The following CYRIA variants were observed in gnomAD, a reference collection of about 807,000 sequenced individuals.
The protein encoded by CYRIA is CYFIP related Rac1 interactor A.
CYRIA carries 15 observed loss-of-function variants against 43.9 expected under a neutral mutation model. The observed-to-expected ratio is 0.34, with a 90% CI of 0.23 to 0.53. The LOEUF is 0.53. CYRIA is among the 20% of genes least tolerant of loss of function. The pLI, the probability that CYRIA is intolerant of heterozygous loss-of-function variation, is 0.94. For synonymous variants in CYRIA, 117 were observed against 136.0 expected, an observed-to-expected ratio of 0.86 and a Z score of 0.97; for missense variants, 236 against 394.2, an observed-to-expected ratio of 0.60 and a Z score of 3.40.
chr2:16,561,416 T>G, intron 7 of CYRIA, 40 bp downstream of exon 7: 2 of 1,579,500 alleles, frequency 1.3e-6, no homozygotes, highest in Admixed American at 1.7e-5. Context: ...AAAAGAGTCA[T>G]GGAGAAGGGT....
chr2:16,573,212 T>G (rs1385068117), intron 3 of CYRIA, among the ~76,000 whole-genome samples: 1 of 152,214 alleles, frequency 6.6e-6, no homozygotes, highest in East Asian at 1.9e-4. Context: ...CAGAATAATA[T>G]AAGCATAAGA....
At chr2:16,641,430 T>C (rs573317664) in intron 1 of CYRIA, among the ~76,000 whole-genome samples, 1 of 152,286 alleles carries the variant, frequency 6.6e-6, no homozygotes, top group East Asian at 1.9e-4. Context: ...TTTGTTTAAT[T>C]CTAAATCCTA....
chr2:16,662,612 G>A (rs2103561369), intron 1 of CYRIA, among the ~76,000 whole-genome samples: 1 of 152,288 alleles, frequency 6.6e-6, no homozygotes, highest in African/African-American at 2.4e-5. Flanking sequence ...AGACTTCTAC[G>A]AGAGGATGAG....
chr2:16,606,255 C>T (rs919995076), intron 2 of CYRIA, among the ~76,000 whole-genome samples: 1 of 152,126 alleles, frequency 6.6e-6, no homozygotes, highest in African/African-American at 2.4e-5. Flanking sequence ...ATAACCAGAG[C>T]CCTGGGCACC....
At chr2:16,563,614 T>G (rs777120842) in intron 5 of CYRIA, among the ~76,000 whole-genome samples, 1 of 152,212 alleles carries the variant, frequency 6.6e-6, no homozygotes, top group Non-Finnish European at 1.5e-5. Flanking sequence ...TCTATTAAAT[T>G]TATCATATGA....
intron 2 of CYRIA, among the ~76,000 whole-genome samples, chr2:16,607,959 G>A (rs1447574740): frequency 6.6e-6 from 1 of 152,120 alleles, no homozygotes; most frequent in Non-Finnish European, 1.5e-5. Context: ...ACGGCCTATC[G>A]TTTCTCCCAG....
chr2:16,644,997 T>C (rs1669780886), intron 1 of CYRIA, among the ~76,000 whole-genome samples: 1 of 152,168 alleles, frequency 6.6e-6, no homozygotes, highest in South Asian at 2.1e-4. Context: ...TACTTTGATG[T>C]TGGTACAAAT....
chr2:16,615,281 AG>A (rs1171806584), intron 2 of CYRIA, among the ~76,000 whole-genome samples: 2 of 152,198 alleles, frequency 1.3e-5, no homozygotes, highest in Non-Finnish European at 2.9e-5. Flanking sequence ...CTGAAGTCCC[AG>A]TGTCATATCC....
intron 10 of CYRIA, among the ~76,000 whole-genome samples, chr2:16,557,955 C>T (rs62122697): frequency 2.4e-4 from 36 of 152,188 alleles, no homozygotes; most frequent in Non-Finnish European, 4.1e-4. Context: ...TAAAGCCTCA[C>T]AAAGGATACA....
intron 1 of CYRIA, among the ~76,000 whole-genome samples, chr2:16,629,948 C>T (rs950276846): frequency 2.6e-5 from 4 of 152,062 alleles, no homozygotes; most frequent in Non-Finnish European, 4.4e-5. Context: ...GGTGGGAAGC[C>T]GAGCATGGAA....
intron 2 of CYRIA, among the ~76,000 whole-genome samples, chr2:16,592,173 A>C (rs2103465685): frequency 6.6e-6 from 1 of 152,258 alleles, no homozygotes; most frequent in Non-Finnish European, 1.5e-5. Flanking sequence ...TGGACTCCAG[A>C]TTTTTGTATC....
intron 1 of CYRIA, among the ~76,000 whole-genome samples, chr2:16,641,807 T>C (rs958418553): frequency 2.0e-5 from 3 of 152,188 alleles, no homozygotes; most frequent in African/African-American, 7.2e-5. Flanking sequence ...CTGGGTGGGC[T>C]GGGGGTGAGA....
Position 16,582,670 on chromosome 2 carries a change from C to T in CYRIA, c.70+5380G>A, listed in dbSNP as rs11885336. Among the ~76,000 whole-genome samples, 1,202 of 152,254 alleles carry T rather than the reference C, an allele frequency of 7.9e-3. 19 individuals are homozygous for T. The highest frequency in any genetic ancestry group is 0.027 in the African/African-American group (1,122 of 41,574). On this transcript the variant is annotated intron_variant, in intron 3 of 11. Coordinates refer to ENST00000381323, the MANE Select transcript of CYRIA (RefSeq NM_030797.4). ...TAGCACAATGATTTCAAGGTTCATC[C>T]ATGTCATATCACCTATCAGTACTTC... is the stretch of plus-strand genomic sequence containing the variant.
intron 1 of CYRIA, among the ~76,000 whole-genome samples, chr2:16,629,315 G>T (rs977705798): frequency 6.6e-6 from 1 of 152,090 alleles, no homozygotes; most frequent in African/African-American, 2.4e-5. Context: ...TGGGCCTAGT[G>T]GGGAAGGAGG....
chr2:16,555,064 C>T lies in CYRIA; in HGVS notation c.908+5G>A, dbSNP rs1458965257. On this transcript the variant is annotated splice_donor_5th_base_variant and intron_variant, in intron 11 of 11. Coordinates refer to ENST00000381323, the MANE Select transcript of CYRIA (RefSeq NM_030797.4). The stretch of plus-strand genomic sequence containing the variant: ...CCTGTGAGCTGACACAGGGTTGAAG[C>T]TCACCTGAGGGCATTTAGCAGCCCC... 6.2e-7 allele frequency: 1 copy of T among 1,612,672 alleles called. No homozygotes were observed. Among genetic ancestry groups the T allele is most frequent in the Non-Finnish European group, 8.5e-7 (1 of 1,179,280 alleles).
At chr2:16,555,688 G>C (rs1268552004) in intron 10 of CYRIA, among the ~76,000 whole-genome samples, 1 of 152,054 alleles carries the variant, frequency 6.6e-6, no homozygotes, top group Non-Finnish European at 1.5e-5. Flanking sequence ...ACCTTCATTA[G>C]GTAGAAGCAA....
At position 16,610,897 on chromosome 2, in the gene CYRIA, C is replaced by CATATATATATATAT. The variant is rs60848949; in HGVS notation, c.-11+12953_-11+12966dup. ...TAGGATTGACTTCTTTTAGTCCCAA[C>CATATATATATATAT]ATATATATATATATATATATATATA... On this transcript the variant is annotated intron_variant, in intron 2 of 11. Coordinates refer to ENST00000381323, the MANE Select transcript of CYRIA (RefSeq NM_030797.4). Among the ~76,000 whole-genome samples, 708 of 92,076 alleles carry CATATATATATATAT rather than the reference C, an allele frequency of 7.7e-3. 28 individuals carry two copies. Among genetic ancestry groups the CATATATATATATAT allele is most frequent in the East Asian group, 0.012 (18 of 1,496 alleles). The allele number at this position is 92,076 out of a possible 152,430, so 60.4% of individuals were successfully genotyped here.
intron 5 of CYRIA, among the ~76,000 whole-genome samples, chr2:16,562,548 C>G (rs1195590100): frequency 6.6e-6 from 1 of 152,150 alleles, no homozygotes; most frequent in African/African-American, 2.4e-5. Flanking sequence ...GGAAAGACCT[C>G]TGCCCCTATT....
chr2:16,659,387 A>T (rs1480991818), intron 1 of CYRIA, among the ~76,000 whole-genome samples: 2 of 152,246 alleles, frequency 1.3e-5, no homozygotes, highest in Non-Finnish European at 2.9e-5. Flanking sequence ...CATCCATAAA[A>T]TGGGGATAAT....
Sources: allele counts gnomAD v4.1 joint callset (sites outside exome capture counted in the v4.1 genomes callset), GRCh38; gene constraint gnomAD v4.1.1; transcripts MANE v1.5; gene names NCBI Gene and HGNC (gene_info 2026-07-23, HGNC 2026-07-21).